The following BRI3BP variants were observed in gnomAD, a reference collection of about 807,000 sequenced individuals.
BRI3BP encodes BRI3-binding protein.
Under a neutral mutation model 15.8 loss-of-function variants are expected in BRI3BP, and 7 were observed. The observed-to-expected ratio is 0.44, with a 90% CI of 0.25 to 0.83. BRI3BP has a LOEUF of 0.83. Ranked by LOEUF, BRI3BP falls within the 40% of genes least tolerant of loss-of-function variation. The probability of loss-of-function intolerance (pLI) is 0.20; values close to 1 mark genes in which losing one functional copy is unlikely to be tolerated. For missense variants in BRI3BP, 320 were observed against 339.3 expected, an observed-to-expected ratio of 0.94 and a Z score of 0.45; for synonymous variants, 192 against 163.5, an observed-to-expected ratio of 1.17 and a Z score of -1.33.
rs913376905 is a variant in BRI3BP at position 125,027,863 on chromosome 12, A to C, written c.*2433A>C. On this transcript the variant is annotated 3_prime_UTR_variant, in exon 3 of 3. Transcript: ENST00000341446. ...CCATCATGCCCGGCTAATTTTTTATATTTTTAGTAGAGACGGGGTTTCACC... is the reference window on the plus strand; with the variant it reads ...CCATCATGCCCGGCTAATTTTTTATCTTTTTAGTAGAGACGGGGTTTCACC... The C allele has an allele frequency of 1.3e-5, 2 of 151,716 alleles. No individual in the cohort carries two copies. Among genetic ancestry groups the C allele is most frequent in the African/African-American group, 4.8e-5 (2 of 41,324 alleles). The allele number at this position is 151,716 out of a possible 1,614,324, so 9.4% of individuals were successfully genotyped here. A position where few individuals can be genotyped will look rare whatever the true frequency, so the allele number is the denominator to read the frequency against.
chr12:125,013,916 C>T (rs1955217845), intron 2 of BRI3BP, among the ~76,000 whole-genome samples: 1 of 152,124 alleles, frequency 6.6e-6, no homozygotes, highest in South Asian at 2.1e-4. Context: ...GCTGGGCACT[C>T]CTAGTCCAGT....
At chr12:125,035,087 T>C (rs4765208), downstream of BRI3BP, among the ~76,000 whole-genome samples, 65,530 of 152,032 alleles carry the variant, frequency 0.43, 14,770 homozygotes, top group African/African-American at 0.55. Context: ...ATCCATTCAC[T>C]TGTTGATGGA....
chr12:125,043,842 C>T, the BRI3BP span, among the ~76,000 whole-genome samples: 1 of 151,772 alleles, frequency 6.6e-6, no homozygotes, highest in African/African-American at 2.4e-5. Flanking sequence ...GGTGAAAGAG[C>T]GAGACTCCGT....
At chr12:125,049,746 C>T in the BRI3BP span, among the ~76,000 whole-genome samples, 8 of 152,346 alleles carry the variant, frequency 5.3e-5, no homozygotes, top group African/African-American at 1.9e-4. Context: ...GCCGATCTTC[C>T]AGACGCGGAG....
the BRI3BP span, among the ~76,000 whole-genome samples, chr12:125,036,799 G>A: frequency 2.6e-5 from 4 of 152,148 alleles, no homozygotes; most frequent in South Asian, 8.3e-4. Flanking sequence ...CCCCCATAAT[G>A]GGACTAGTGG....
Position 124,993,827 on chromosome 12 carries a change from G to A in BRI3BP, c.37G>A (p.Ala13Thr). 2 of 1,135,970 alleles carry A rather than the reference G, an allele frequency of 1.8e-6. No individual in the cohort carries two copies. The highest frequency in any genetic ancestry group is 1.1e-6 in the Non-Finnish European group (1 of 930,406). The allele number at this position is 1,135,970 out of a possible 1,614,324, so 70.4% of individuals were successfully genotyped here. ...CGCCTCAGGCGGGCCCCTGGCCCGGGCCGGGCTCCTGCTGCTGCTGCTGCT... is the reference window on the plus strand; with the variant it reads ...CGCCTCAGGCGGGCCCCTGGCCCGGACCGGGCTCCTGCTGCTGCTGCTGCT... ...ARASGGPLAR[A>T]GLLLLLLLLL... Residue 13 changes from alanine (A) to threonine (T), a missense_variant, in exon 1 of 3, where the codon GCC becomes ACC. Ala to Thr is a moderately conservative substitution (Grantham distance 58, BLOSUM62 0). Transcript: ENST00000341446.
intron 2 of BRI3BP, among the ~76,000 whole-genome samples, chr12:125,023,631 C>T (rs547953510): frequency 1.3e-5 from 2 of 152,192 alleles, no homozygotes; most frequent in African/African-American, 4.8e-5. Context: ...ACTGCAGCCT[C>T]TACCTCCCAG....
chr12:125,019,649 T>TGC (rs1955277582), intron 2 of BRI3BP, among the ~76,000 whole-genome samples: 1 of 27,898 alleles, frequency 3.6e-5, no homozygotes, highest in Non-Finnish European at 1.2e-4. Flanking sequence ...TTTTTTTTTT[T>TGC]TTTTTTTTGC....
intron 1 of BRI3BP, among the ~76,000 whole-genome samples, chr12:125,006,914 A>T (rs1225166032): frequency 6.6e-6 from 1 of 152,064 alleles, no homozygotes; most frequent in South Asian, 2.1e-4. Flanking sequence ...ATTGCTATAT[A>T]TTATCTGGGC....
In BRI3BP at chr12:125,028,819, C is replaced by T. The variant is rs1955379287; in HGVS notation, c.*3389C>T. 1 of 152,168 alleles carries T rather than the reference C, an allele frequency of 6.6e-6. No homozygotes were observed. Among genetic ancestry groups the T allele is most frequent in the Non-Finnish European group, 1.5e-5 (1 of 68,028 alleles). 9.4% of individuals were successfully genotyped at this position (152,168 alleles called of 1,614,324 possible). On this transcript the variant is annotated 3_prime_UTR_variant, in exon 3 of 3. Coordinates refer to ENST00000341446, the MANE Select transcript of BRI3BP (RefSeq NM_080626.6). ...GTGTTGGGATTGGGCCTCCCCTCGC[C>T]ACCCGCCACATGTCTTTGTTTTTTT...
At chr12:124,998,346 C>A (rs1955057677) in intron 1 of BRI3BP, among the ~76,000 whole-genome samples, 1 of 152,022 alleles carries the variant, frequency 6.6e-6, no homozygotes, top group Non-Finnish European at 1.5e-5. Flanking sequence ...TTTACAATAG[C>A]TAAAAAGTGG....
At chr12:125,024,962 G>A (rs1467489722) in intron 2 of BRI3BP, 29 bp from the exon 3 acceptor site, 3 of 1,575,658 alleles carry the variant, frequency 1.9e-6, no homozygotes, top group South Asian at 2.3e-5. Flanking sequence ...CCTGCGTAAC[G>A]AGCCCTGTTC....
In BRI3BP at chr12:125,026,353, T is replaced by C. The variant is rs955354787; in HGVS notation, c.*923T>C. 1.3e-5 allele frequency: 2 copies of C among 152,030 alleles called. No homozygotes were observed. Among genetic ancestry groups the C allele is most frequent in the South Asian group, 2.1e-4 (1 of 4,812 alleles). The allele number at this position is 152,030 out of a possible 1,614,324, so 9.4% of individuals were successfully genotyped here. A position where few individuals can be genotyped will look rare whatever the true frequency, so the allele number is the denominator to read the frequency against. Reference sequence around the variant, plus strand: ...TTTTCTTTTGATTTCCTCAGGACCTTAGAGGGAAAACAAACAGTAGCAGCT... The same window carrying C: ...TTTTCTTTTGATTTCCTCAGGACCTCAGAGGGAAAACAAACAGTAGCAGCT... On this transcript the variant is annotated 3_prime_UTR_variant, in exon 3 of 3. Transcript: ENST00000341446.
chr12:125,032,510 C>T (rs1250090188), downstream of BRI3BP, among the ~76,000 whole-genome samples: 2 of 152,172 alleles, frequency 1.3e-5, no homozygotes, highest in African/African-American at 2.4e-5. Context: ...TGGCTCACGC[C>T]TGTCATCCCA....
chr12:125,038,534 G>C, the BRI3BP span, among the ~76,000 whole-genome samples: 1 of 152,194 alleles, frequency 6.6e-6, no homozygotes, highest in African/African-American at 2.4e-5. Context: ...GGGAGGCCAA[G>C]GCAGGTGGAT....
At chr12:125,018,584 C>A (rs1445821804) in intron 2 of BRI3BP, among the ~76,000 whole-genome samples, 4 of 152,278 alleles carry the variant, frequency 2.6e-5, no homozygotes, top group East Asian at 3.9e-4. Flanking sequence ...CGGGCAGATT[C>A]ACCCTCGAGC....
intron 2 of BRI3BP, among the ~76,000 whole-genome samples, chr12:125,015,546 C>T (rs1250288731): frequency 6.6e-6 from 1 of 152,038 alleles, no homozygotes; most frequent in South Asian, 2.1e-4. Context: ...TGGTTTGTTG[C>T]GGCAGTCACG....
chr12:125,025,249 T>C lies in BRI3BP; in HGVS notation c.575T>C (p.Val192Ala). The C allele has an allele frequency of 6.2e-7, 1 of 1,614,138 alleles. No homozygotes were observed. The highest frequency in any genetic ancestry group is 8.5e-7 in the Non-Finnish European group (1 of 1,180,036). ...GCGGTGCTGCCGCTGTGCTTCGTGG[T>C]GGCCGTCTACTTCATGACCGGGCCC... Reference protein sequence around the residue: ...ENAVLPLCFVVAVYFMTGPMG... With the variant: ...ENAVLPLCFVAAVYFMTGPMG... The change falls in exon 3 of 3, where the codon GTG (valine) becomes GCG (alanine). Residue 192 changes from valine (V) to alanine (A), a missense_variant. Val to Ala is a moderately conservative substitution (Grantham distance 64, BLOSUM62 0). Transcript: ENST00000341446.
chr12:125,011,160 C>T (rs1955194171), intron 1 of BRI3BP, among the ~76,000 whole-genome samples: 1 of 151,792 alleles, frequency 6.6e-6, no homozygotes, highest in African/African-American at 2.4e-5. Context: ...ACACGTGAGC[C>T]GAGTGGCCCA....
Sources: gnomAD v4.1 joint callset for allele counts (sites outside exome capture counted in the v4.1 genomes callset) on GRCh38, gnomAD v4.1.1 for gene constraint, MANE v1.5 for transcripts, NCBI Gene and HGNC (gene_info 2026-07-23, HGNC 2026-07-21) for gene names.